The following CHD9 variants were observed in gnomAD, a reference collection of about 807,000 sequenced individuals.
CHD9 encodes the protein chromodomain helicase DNA binding protein 9, also known as ATP-dependent chromatin remodeler CHD9.
In CHD9, 77 loss-of-function variants were observed where a neutral mutation model predicts 316.1. The ratio of observed to expected loss-of-function variants is 0.24; its 90% CI spans 0.20 to 0.29. The LOEUF is 0.29. Ranked by LOEUF, CHD9 falls within the 10% of genes least tolerant of loss-of-function variation. The pLI is 1.00. For missense variants in CHD9, 2,763 were observed against 3,438.1 expected, an observed-to-expected ratio of 0.80 and a Z score of 4.91; for synonymous variants, 1,129 against 1,158.3, an observed-to-expected ratio of 0.97 and a Z score of 0.51.
At chr16:53,114,129 GT>G (rs2038085648) in intron 1 of CHD9, among the ~76,000 whole-genome samples, 1 of 150,908 alleles carries the variant, frequency 6.6e-6, no homozygotes, top group African/African-American at 2.4e-5. Flanking sequence ...AGGCCTTAAA[GT>G]TTAGAGTTTG....
At position 53,155,955 on chromosome 16, in the gene CHD9, T is replaced by A. The variant is rs1036087389; in HGVS notation, c.-135T>A. The A allele has an allele frequency of 1.2e-5, 9 of 770,078 alleles. No individual in the cohort carries two copies. The highest frequency in any genetic ancestry group is 1.1e-4 in the African/African-American group (6 of 56,828). The allele number at this position is 770,078 out of a possible 1,614,324, so 47.7% of individuals were successfully genotyped here. A position where few individuals can be genotyped will look rare whatever the true frequency, so the allele number is the denominator to read the frequency against. ...TTGACACTTCATGACATGTCATTATTTAGAGCAATAATGAATATTGACCTG... is the reference window on the plus strand; with the variant it reads ...TTGACACTTCATGACATGTCATTATATAGAGCAATAATGAATATTGACCTG... On this transcript the variant is annotated 5_prime_UTR_variant, in exon 2 of 39. Coordinates refer to ENST00000447540, the MANE Select transcript of CHD9 (RefSeq NM_001308319.2).
intron 11 of CHD9, among the ~76,000 whole-genome samples, chr16:53,238,043 G>A (rs998590065): frequency 2.0e-5 from 3 of 152,040 alleles, no homozygotes; most frequent in African/African-American, 7.2e-5. Flanking sequence ...GATACAGAAG[G>A]TATTTATTAA....
intron 1 of CHD9, among the ~76,000 whole-genome samples, chr16:53,071,147 C>A (rs1005398592): frequency 5.3e-5 from 8 of 152,122 alleles, no homozygotes; most frequent in Non-Finnish European, 1.2e-4. Flanking sequence ...TTACTTATAT[C>A]TTCTTTAACT....
At chr16:53,258,437 T>C (rs1193181440) in intron 19 of CHD9, among the ~76,000 whole-genome samples, 1 of 152,156 alleles carries the variant, frequency 6.6e-6, no homozygotes, top group Non-Finnish European at 1.5e-5. Context: ...TCTAGTTGTT[T>C]TATAATTTGT....
chr16:53,170,043 T>A (rs2042575938), intron 2 of CHD9, among the ~76,000 whole-genome samples: 1 of 148,064 alleles, frequency 6.8e-6, no homozygotes, highest in South Asian at 2.1e-4. Flanking sequence ...TAAGCAGTTT[T>A]TTTTTGTTTT....
chr16:53,265,318 G>T (rs901097299), intron 20 of CHD9, among the ~76,000 whole-genome samples: 23 of 152,124 alleles, frequency 1.5e-4, no homozygotes, highest in Admixed American at 8.5e-4. Flanking sequence ...TGTGAGGATG[G>T]CTTGACCCCA....
intron 1 of CHD9, among the ~76,000 whole-genome samples, chr16:53,155,665 C>T (rs2041468179): frequency 6.6e-6 from 1 of 151,994 alleles, no homozygotes; most frequent in Non-Finnish European, 1.5e-5. Context: ...AAAAGAAATC[C>T]CATAACCTGT....
intron 22 of CHD9, among the ~76,000 whole-genome samples, chr16:53,271,751 A>G (rs188899343): frequency 6.6e-6 from 1 of 152,250 alleles, no homozygotes; most frequent in East Asian, 1.9e-4. Context: ...GCAGAAGCCT[A>G]TAAATTATAA....
At chr16:53,146,244 T>A in intron 1 of CHD9, among the ~76,000 whole-genome samples, 1 of 114,436 alleles carries the variant, frequency 8.7e-6, no homozygotes. Context: ...AAAAAAAAAA[T>A]TAGTCGGGCA....
At chr16:53,094,732 C>G (rs553453742) in intron 1 of CHD9, among the ~76,000 whole-genome samples, 1 of 151,648 alleles carries the variant, frequency 6.6e-6, no homozygotes, top group Non-Finnish European at 1.5e-5. Context: ...CTCTGCCTCC[C>G]GGGTTCAAGT....
intron 1 of CHD9, among the ~76,000 whole-genome samples, chr16:53,132,783 T>A (rs1481772245): frequency 6.6e-6 from 1 of 150,822 alleles, no homozygotes; most frequent in Non-Finnish European, 1.5e-5. Context: ...TTCCATTTCT[T>A]CTAATTCTGC....
At chr16:53,173,321 TATA>T (rs1360021495) in intron 2 of CHD9, among the ~76,000 whole-genome samples, 1 of 152,146 alleles carries the variant, frequency 6.6e-6, no homozygotes, top group Non-Finnish European at 1.5e-5. Flanking sequence ...AATTTATCAG[TATA>T]ATGTTTTTCA....
chr16:53,165,185 A>G (rs1013739037), intron 2 of CHD9, among the ~76,000 whole-genome samples: 1 of 152,198 alleles, frequency 6.6e-6, no homozygotes, highest in Non-Finnish European at 1.5e-5. Context: ...TCACAGAAAG[A>G]ATTTCTGTAG....
chr16:53,092,526 C>T (rs973849371), intron 1 of CHD9, among the ~76,000 whole-genome samples: 2 of 152,066 alleles, frequency 1.3e-5, no homozygotes, highest in African/African-American at 4.8e-5. Flanking sequence ...GCCCAAACAC[C>T]CTTTTGCCCT....
At chr16:53,195,511 A>G (rs2044829004) in intron 2 of CHD9, among the ~76,000 whole-genome samples, 1 of 152,070 alleles carries the variant, frequency 6.6e-6, no homozygotes, top group African/African-American at 2.4e-5. Context: ...CCAAGGTGTC[A>G]ACTTGGGCTG....
chr16:53,139,010 G>C (rs377361232), intron 1 of CHD9, among the ~76,000 whole-genome samples: 1 of 152,082 alleles, frequency 6.6e-6, no homozygotes, highest in African/African-American at 2.4e-5. Context: ...GTGGGAGGGC[G>C]TAAGTCTTTT....
At position 53,081,992 on chromosome 16, in the gene CHD9, T is replaced by C. The variant is rs550800280; in HGVS notation, c.-165+26915T>C. 2.0e-5 allele frequency among the ~76,000 whole-genome samples: 3 copies of C among 152,290 alleles called. No individual in the cohort carries two copies. In the South Asian group the frequency reaches 6.2e-4, roughly 32 times the overall value. On this transcript the variant is annotated intron_variant, in intron 1 of 38. Coordinates refer to ENST00000447540, the MANE Select transcript of CHD9 (RefSeq NM_001308319.2). ...CTCACCAGGTTAGTGTGTATGTGTGTGTGTGAGAGAGAGAGAAAGAGAAAG... is the reference window on the plus strand; with the variant it reads ...CTCACCAGGTTAGTGTGTATGTGTGCGTGTGAGAGAGAGAGAAAGAGAAAG...
At chr16:53,322,847 GA>G (rs926184016) in intron 38 of CHD9, among the ~76,000 whole-genome samples, 1 of 151,914 alleles carries the variant, frequency 6.6e-6, no homozygotes, top group African/African-American at 2.4e-5. Flanking sequence ...ATTGCACAAG[GA>G]AAAAAATAGA....
chr16:53,271,182 A>G (rs73601697), intron 22 of CHD9, among the ~76,000 whole-genome samples: 4,927 of 152,110 alleles, frequency 0.032, 99 homozygotes, highest in Middle Eastern at 0.072. Flanking sequence ...CAGTCTCCCT[A>G]TCACCTTTTT....
Sources: gnomAD v4.1 joint callset for allele counts (sites outside exome capture counted in the v4.1 genomes callset) on GRCh38, gnomAD v4.1.1 for gene constraint, MANE v1.5 for transcripts, NCBI Gene and HGNC (gene_info 2026-07-23, HGNC 2026-07-21) for gene names.